Variants in PHKB observed in about 807,000 individuals in gnomAD.
The protein encoded by PHKB is phosphorylase kinase regulatory subunit beta, also known as phosphorylase b kinase regulatory subunit beta.
In PHKB, 122 loss-of-function variants were observed where a neutral mutation model predicts 152.1. The ratio of observed to expected loss-of-function variants is 0.80; its 90% confidence interval spans 0.69 to 0.93. The LOEUF is 0.93. Ranked by LOEUF, PHKB falls within the 40% of genes least tolerant of loss-of-function variation. PHKB has a pLI of 0.00. For missense variants in PHKB, 1,304 were observed against 1,328.4 expected (o/e 0.98, Z 0.29); for synonymous variants, 436 against 464.9 (o/e 0.94, Z 0.80).
At chr16:47,697,848 C>T (rs754890501) in intron 29 of PHKB, among the ~76,000 whole-genome samples, 1 of 152,218 alleles carries the variant, frequency 6.6e-6, no homozygotes, top group Non-Finnish European at 1.5e-5. Context: ...TAGGGTGATT[C>T]ATTAAACTAA....
Position 47,469,991 on chromosome 16 carries a change from T to C in PHKB, c.76+8565T>C, listed in dbSNP as rs1211782458. On this transcript the variant is annotated intron_variant, in intron 1 of 30. Coordinates refer to ENST00000323584, the MANE Select transcript of PHKB (RefSeq NM_000293.3). ...CTATGATGACAGCAGTGACAACTTT[T>C]TAAGCAGCTAATCTTTATTGAGTAC... 2.0e-5 allele frequency among the ~76,000 whole-genome samples: 3 copies of C among 152,338 alleles called. No homozygotes were observed. In the South Asian group the frequency reaches 6.2e-4, roughly 32 times the overall value.
At chr16:47,676,070 A>G (rs1973727428) in intron 26 of PHKB, 1 of 152,222 alleles carries the variant, frequency 6.6e-6, no homozygotes, top group Admixed American at 6.5e-5. Flanking sequence ...AGCAGCAGCA[A>G]ATACATACTC....
chr16:47,684,441 A>G (rs1973924043), intron 26 of PHKB, among the ~76,000 whole-genome samples: 1 of 152,174 alleles, frequency 6.6e-6, no homozygotes. Context: ...ACATGCCAAT[A>G]CACACACTGT....
intron 20 of PHKB, among the ~76,000 whole-genome samples, chr16:47,659,453 G>A (rs529064661): frequency 6.6e-6 from 1 of 152,082 alleles, no homozygotes; most frequent in East Asian, 1.9e-4. Context: ...CTTTTTATGA[G>A]TACATTTCTC....
chr16:47,594,056 C>A (rs1465157719), intron 11 of PHKB, 81 bp from the exon 12 acceptor site: 3 of 724,066 alleles, frequency 4.1e-6, no homozygotes, highest in African/African-American at 3.6e-5. Context: ...TGTAACTGGG[C>A]TAATATATTT....
chr16:47,480,387 C>A (rs1339629423), intron 1 of PHKB, among the ~76,000 whole-genome samples: 1 of 152,138 alleles, frequency 6.6e-6, no homozygotes, highest in Non-Finnish European at 1.5e-5. Flanking sequence ...ATATTTCATG[C>A]AGCTTATAAT....
At position 47,587,617 on chromosome 16, in the gene PHKB, T is replaced by C. The variant is rs185190974; in HGVS notation, c.775-51T>C. ...TTTCACAGTCAAAATGCCAAAGTTC[T>C]ACAAGTCTTTTTTCTTAATTTAGGA... is the stretch of plus-strand genomic sequence containing the variant. On this transcript the variant is annotated intron_variant, in intron 8 of 30. Coordinates refer to ENST00000323584, the MANE Select transcript of PHKB (RefSeq NM_000293.3). 2,519 of 1,399,110 alleles carry C rather than the reference T, an allele frequency of 1.8e-3. 2 individuals are homozygous for C. The highest frequency in any genetic ancestry group is 2.4e-3 in the Non-Finnish European group (2,355 of 988,800). 86.7% of individuals were successfully genotyped at this position (1,399,110 alleles called of 1,614,324 possible).
At chr16:47,663,836 T>G (rs1973488154) in intron 24 of PHKB, 102 bp downstream of exon 24, 4 of 789,936 alleles carry the variant, frequency 5.1e-6, no homozygotes, top group Middle Eastern at 2.7e-4. Flanking sequence ...TCATCCTAAT[T>G]TTTACTTTTA....
chr16:47,698,667 C>A, intron 30 of PHKB, 79 bp downstream of exon 30: 1 of 1,172,888 alleles, frequency 8.5e-7, no homozygotes, highest in South Asian at 1.5e-5. Flanking sequence ...TCCCTAATCT[C>A]TTTTCATTTA....
intron 1 of PHKB, among the ~76,000 whole-genome samples, chr16:47,479,518 T>C (rs1359554149): frequency 6.6e-6 from 1 of 151,572 alleles, no homozygotes; most frequent in Non-Finnish European, 1.5e-5. Flanking sequence ...TCTAATTAAA[T>C]TCAGATCCAG....
At chr16:47,539,954 G>T (rs1314859623) in intron 6 of PHKB, among the ~76,000 whole-genome samples, 1 of 152,090 alleles carries the variant, frequency 6.6e-6, no homozygotes, top group African/African-American at 2.4e-5. Flanking sequence ...GATTTTTAGG[G>T]AACAAGGGAA....
chr16:47,679,370 A>G (rs1408798274), intron 26 of PHKB, among the ~76,000 whole-genome samples: 1 of 152,162 alleles, frequency 6.6e-6, no homozygotes, highest in Non-Finnish European at 1.5e-5. Context: ...CACTATGGCC[A>G]TTTTCACGAT....
intron 14 of PHKB, among the ~76,000 whole-genome samples, chr16:47,622,660 T>A (rs1167731731): frequency 6.6e-6 from 1 of 152,212 alleles, no homozygotes; most frequent in Non-Finnish European, 1.5e-5. Context: ...CCATTTAATA[T>A]GCCAATTAAA....
chr16:47,596,584 G>T, intron 13 of PHKB, 53 bp downstream of exon 13: 1 of 1,527,548 alleles, frequency 6.5e-7, no homozygotes, highest in South Asian at 1.1e-5. Flanking sequence ...TAAGCTATTA[G>T]AAATAAATAT....
intron 14 of PHKB, among the ~76,000 whole-genome samples, chr16:47,634,012 T>C (rs1972872806): frequency 1.3e-5 from 2 of 152,220 alleles, no homozygotes; most frequent in East Asian, 3.8e-4. Context: ...TGAAGAAGCC[T>C]ATTGCAGTGA....
At position 47,661,701 on chromosome 16, in the gene PHKB, C is replaced by T; in HGVS notation, c.2197-18C>T. 3 of 1,577,132 alleles carry T rather than the reference C, an allele frequency of 1.9e-6. No individual in the cohort carries two copies. Among genetic ancestry groups the T allele is most frequent in the Non-Finnish European group, 2.6e-6 (3 of 1,146,496 alleles). ...TACCCATTTCATTCCAGTTCCTCAC[C>T]GTGATTTATATTTTCAGGATTGCAG... On this transcript the variant is annotated intron_variant, in intron 22 of 30. Coordinates refer to ENST00000323584, the MANE Select transcript of PHKB (RefSeq NM_000293.3).
intron 14 of PHKB, among the ~76,000 whole-genome samples, chr16:47,631,977 C>T (rs1471666105): frequency 2.6e-5 from 4 of 152,164 alleles, no homozygotes; most frequent in Non-Finnish European, 5.9e-5. Flanking sequence ...CTAGAGTCAG[C>T]AACACCATTT....
chr16:47,566,362 T>C, intron 7 of PHKB: 2 of 1,454,234 alleles, frequency 1.4e-6, no homozygotes, highest in Non-Finnish European at 1.9e-6. Context: ...TGATCATTCC[T>C]GTCTTTATCC....
At chr16:47,549,528 T>TA (rs1023486142) in intron 7 of PHKB, among the ~76,000 whole-genome samples, 11 of 150,672 alleles carry the variant, frequency 7.3e-5, no homozygotes, top group South Asian at 2.1e-4. Flanking sequence ...TGTCTCTACT[T>TA]AAAAAAAAAT....
Sources: gnomAD v4.1 joint callset for allele counts (sites outside exome capture counted in the v4.1 genomes callset) on GRCh38, gnomAD v4.1.1 for gene constraint, MANE v1.5 for transcripts, NCBI Gene and HGNC (gene_info 2026-07-23, HGNC 2026-07-21) for gene names.